The following RHCE variants were observed in gnomAD, a reference collection of about 807,000 sequenced individuals.
The protein encoded by RHCE is blood group Rh(CE) polypeptide.
Under a neutral mutation model 43.8 loss-of-function variants are expected in RHCE, and 22 were observed. The ratio of observed to expected loss-of-function variants is 0.50; its 90% CI spans 0.36 to 0.72. RHCE has a LOEUF of 0.72. RHCE is among the 30% of genes least tolerant of loss of function. The pLI is 0.00. For synonymous variants in RHCE, 156 were observed against 210.7 expected (o/e 0.74, Z 2.25); for missense variants, 385 against 525.4 (o/e 0.73, Z 2.61).
chr1:25,407,781 C>T (rs1355412110), intron 2 of RHCE, among the ~76,000 whole-genome samples: 1 of 123,642 alleles, frequency 8.1e-6, no homozygotes, highest in Non-Finnish European at 1.8e-5. Flanking sequence ...TTTCTGCACC[C>T]CATGGGGCTA....
intron 1 of RHCE, among the ~76,000 whole-genome samples, chr1:25,418,347 TTTG>T (rs971021662): frequency 1.7e-4 from 25 of 151,038 alleles, no homozygotes; most frequent in African/African-American, 4.9e-4. Context: ...CTCTTTGTTT[TTTG>T]TTGTTGTTGT....
rs1161780331 is a variant in RHCE, at chr1:25,370,449, A to G, written c.1227+18T>C. The G allele has an allele frequency of 6.3e-7, 1 of 1,597,188 alleles. No individual in the cohort carries two copies. Among genetic ancestry groups the G allele is most frequent in the South Asian group, 1.1e-5 (1 of 90,752 alleles). ...CATGCACTCAAAATCTATCACGTTA[A>G]TAGGTGAAAAATCTTACCTTCCAGA... is the stretch of plus-strand genomic sequence containing the variant. On this transcript the variant is annotated intron_variant, in intron 9 of 9. Transcript: ENST00000294413.
chr1:25,406,426 C>T lies in RHCE; in HGVS notation c.335+2257G>A, dbSNP rs1379944164. 4.2e-5 allele frequency among the ~76,000 whole-genome samples: 5 copies of T among 118,522 alleles called. 2 individuals carry two copies. In the Admixed American group the frequency reaches 4.7e-4, roughly 11 times the overall value. 77.8% of individuals were successfully genotyped at this position (118,522 alleles called of 152,430 possible). A position where few individuals can be genotyped will look rare whatever the true frequency, so the allele number is the denominator to read the frequency against. On this transcript the variant is annotated intron_variant, in intron 2 of 9. Coordinates refer to ENST00000294413, the MANE Select transcript of RHCE (RefSeq NM_020485.8). ...CTCCCGGGTTCAAGTGATTCGCCTGCCTCAGCCTCCCAAGTAGCTGGGATT... is the reference window on the plus strand; with the variant it reads ...CTCCCGGGTTCAAGTGATTCGCCTGTCTCAGCCTCCCAAGTAGCTGGGATT...
intron 1 of RHCE, among the ~76,000 whole-genome samples, chr1:25,417,345 GT>G (rs1244802727): frequency 6.6e-6 from 1 of 152,090 alleles, no homozygotes; most frequent in African/African-American, 2.4e-5. Context: ...AGTTACCTAA[GT>G]TTAACTCAAC....
intron 1 of RHCE, among the ~76,000 whole-genome samples, chr1:25,414,829 G>T (rs906217777): frequency 2.0e-5 from 3 of 152,160 alleles, no homozygotes; most frequent in Admixed American, 6.6e-5. Context: ...ATGCATGAAT[G>T]ACCCTGGGTG....
intron 8 of RHCE, among the ~76,000 whole-genome samples, chr1:25,373,460 T>G (rs1315586226): frequency 6.6e-6 from 1 of 151,784 alleles, no homozygotes; most frequent in African/African-American, 2.4e-5. Context: ...CGGAATTAAC[T>G]CTACTCCGCC....
At chr1:25,379,481 ATATATATATATATATTTTTTTTTTT>A (rs1172157610) in intron 7 of RHCE, among the ~76,000 whole-genome samples, 348 of 17,800 alleles carry the variant, frequency 0.02, 2 homozygotes, top group Admixed American at 0.055. Flanking sequence ...ATATATATAT[ATATATATATATATATTTTTTTTTTT>A]TTTTTTTTTT....
intron 5 of RHCE, 89 bp downstream of exon 5, chr1:25,390,660 C>G: frequency 2.0e-6 from 3 of 1,478,610 alleles, no homozygotes; most frequent in African/African-American, 1.4e-5. Flanking sequence ...CTCTCCCAAC[C>G]CACGCTGGCC....
intron 3 of RHCE, among the ~76,000 whole-genome samples, chr1:25,394,462 G>T (rs1646480472): frequency 6.6e-6 from 1 of 151,898 alleles, no homozygotes; most frequent in Non-Finnish European, 1.5e-5. Context: ...AGATGAAGCT[G>T]CCCCTGGCCA....
At chr1:25,395,177 C>T (rs2124444944) in intron 3 of RHCE, among the ~76,000 whole-genome samples, 1 of 143,718 alleles carries the variant, frequency 7.0e-6, no homozygotes, top group Admixed American at 7.0e-5. Flanking sequence ...TGAACTATTT[C>T]CCATGCCAGC....
intron 2 of RHCE, among the ~76,000 whole-genome samples, chr1:25,404,426 T>G (rs642255): frequency 0.55 from 71,161 of 130,482 alleles, 20,591 homozygotes; most frequent in African/African-American, 0.71. Flanking sequence ...GGGAAGGTCA[T>G]AAAAGGGCAA....
intron 3 of RHCE, among the ~76,000 whole-genome samples, chr1:25,401,592 T>C (rs1646744659): frequency 6.6e-6 from 1 of 152,184 alleles, no homozygotes; most frequent in Non-Finnish European, 1.5e-5. Flanking sequence ...CCTTCAAACT[T>C]AGACTTTCGA....
At chr1:25,373,323 T>C (rs912895887) in intron 8 of RHCE, among the ~76,000 whole-genome samples, 1 of 151,608 alleles carries the variant, frequency 6.6e-6, no homozygotes, top group African/African-American at 2.4e-5. Flanking sequence ...CAGGACAGGG[T>C]TGCCAAATAA....
intron 5 of RHCE, among the ~76,000 whole-genome samples, chr1:25,389,638 A>G (rs1022275688): frequency 6.6e-6 from 1 of 152,172 alleles, no homozygotes; most frequent in African/African-American, 2.4e-5. Context: ...ATGAGTTTCC[A>G]CATATAAAGC....
intron 1 of RHCE, among the ~76,000 whole-genome samples, chr1:25,419,422 C>T (rs972938770): frequency 1.3e-5 from 2 of 151,960 alleles, no homozygotes; most frequent in African/African-American, 4.8e-5. Flanking sequence ...AAGGGCTTCC[C>T]TCCCTAAGTC....
At chr1:25,373,098 T>C (rs1645664430) in intron 8 of RHCE, among the ~76,000 whole-genome samples, 1 of 151,642 alleles carries the variant, frequency 6.6e-6, no homozygotes, top group Non-Finnish European at 1.5e-5. Context: ...ACCCAAGTTG[T>C]TTTTAATCAC....
At chr1:25,421,200 G>A (rs1426248804), upstream of RHCE, among the ~76,000 whole-genome samples, 3 of 152,160 alleles carry the variant, frequency 2.0e-5, no homozygotes, top group Non-Finnish European at 4.4e-5. Flanking sequence ...AAGCTCAGAA[G>A]AGGCTTTCTT....
intron 7 of RHCE, among the ~76,000 whole-genome samples, chr1:25,380,626 G>A (rs1446290003): frequency 2.6e-5 from 4 of 152,216 alleles, no homozygotes; most frequent in Admixed American, 6.5e-5. Flanking sequence ...ATGCTGCCAA[G>A]GTTTATGACT....
At chr1:25,414,544 G>T (rs1189723538) in intron 1 of RHCE, among the ~76,000 whole-genome samples, 1 of 152,130 alleles carries the variant, frequency 6.6e-6, no homozygotes, top group East Asian at 1.9e-4. Context: ...GACCAAAGCT[G>T]CAGTGTGGAA....
Sources: gnomAD v4.1 joint callset for allele counts (sites outside exome capture counted in the v4.1 genomes callset) on GRCh38, gnomAD v4.1.1 for gene constraint, MANE v1.5 for transcripts, NCBI Gene and HGNC (gene_info 2026-07-23, HGNC 2026-07-21) for gene names.